The following ZNF18 variants were observed in gnomAD, a reference collection of about 807,000 sequenced individuals.
ZNF18 encodes the protein zinc finger protein 18, also known as heart development-specific gene 1 protein.
ZNF18 carries 42 observed loss-of-function variants against 58.1 expected under a neutral mutation model. The ratio of observed to expected loss-of-function variants is 0.72; its 90% confidence interval spans 0.56 to 0.93. ZNF18 has a LOEUF of 0.93. ZNF18 is among the 40% of genes least tolerant of loss of function. The pLI, the probability that ZNF18 is intolerant of heterozygous loss-of-function variation, is 0.00. For missense variants in ZNF18, 540 were observed against 644.2 expected (o/e 0.84, Z 1.75); for synonymous variants, 231 against 239.8 (o/e 0.96, Z 0.34).
intron 1 of ZNF18, among the ~76,000 whole-genome samples, chr17:11,995,015 C>G (rs1348988376): frequency 1.3e-5 from 2 of 152,172 alleles, no homozygotes; most frequent in African/African-American, 4.8e-5. Flanking sequence ...GCAGGAGTCA[C>G]AGAGGCAGAT....
At chr17:12,014,236 A>G in the ZNF18 span, among the ~76,000 whole-genome samples, 8 of 152,230 alleles carry the variant, frequency 5.3e-5, no homozygotes, top group Non-Finnish European at 1.2e-4. Flanking sequence ...TAGTTCCTCA[A>G]ATGGTTAAAC....
chr17:11,986,573 A>G (rs142573906), intron 4 of ZNF18, among the ~76,000 whole-genome samples: 1 of 152,202 alleles, frequency 6.6e-6, no homozygotes. Flanking sequence ...TTTAATTTAA[A>G]TTTTTTAATT....
Position 11,984,142 on chromosome 17 carries a change from A to T in ZNF18, c.722T>A (p.Leu241Gln). The change falls in exon 5 of 7, where the codon CTG becomes CAG. Residue 241 changes from leucine to glutamine, a missense_variant. Coordinates refer to ENST00000580306, the MANE Select transcript of ZNF18 (RefSeq NM_001303281.2). ...TQKEQYWDLM[L>Q]ETYGKMVSGA... ...TGAGACCATTTTCCCATAGGTCTCC[A>T]GCATGAGATCCCAGTATTGCTCCTT... The T allele has an allele frequency of 6.2e-7, 1 of 1,613,464 alleles. No homozygotes were observed. Among genetic ancestry groups the T allele is most frequent in the Non-Finnish European group, 8.5e-7 (1 of 1,179,754 alleles).
chr17:12,007,051 T>C, the ZNF18 span, among the ~76,000 whole-genome samples: 1 of 152,184 alleles, frequency 6.6e-6, no homozygotes, highest in East Asian at 1.9e-4. Flanking sequence ...TGTTTTGTTT[T>C]GTTTCTGTCT....
chr17:12,004,031 G>A, the ZNF18 span, among the ~76,000 whole-genome samples: 1 of 152,148 alleles, frequency 6.6e-6, no homozygotes, highest in African/African-American at 2.4e-5. Context: ...AGGAGTTTGA[G>A]ACCAGCCTGA....
chr17:12,013,770 T>C, the ZNF18 span, among the ~76,000 whole-genome samples: 2 of 152,362 alleles, frequency 1.3e-5, no homozygotes, highest in Non-Finnish European at 2.9e-5. Context: ...ATTTCCTATG[T>C]GTCTAACAAT....
chr17:11,999,873 C>T (rs76994022), upstream of ZNF18, among the ~76,000 whole-genome samples: 7 of 152,272 alleles, frequency 4.6e-5, no homozygotes, highest in East Asian at 3.9e-4. Context: ...TTAATTAAGA[C>T]GCAAGCCTTG....
At chr17:11,991,729 C>G (rs1392159850) in intron 2 of ZNF18, among the ~76,000 whole-genome samples, 1 of 152,126 alleles carries the variant, frequency 6.6e-6, no homozygotes, top group Non-Finnish European at 1.5e-5. Flanking sequence ...ATGCTAGGCT[C>G]CTAGATAGCT....
At chr17:12,010,112 A>G in the ZNF18 span, among the ~76,000 whole-genome samples, 4 of 152,316 alleles carry the variant, frequency 2.6e-5, no homozygotes, top group South Asian at 8.3e-4. Context: ...CAGTTTCACA[A>G]GACTTTATTC....
chr17:12,009,441 C>CTT, the ZNF18 span, among the ~76,000 whole-genome samples: 7 of 138,414 alleles, frequency 5.1e-5, no homozygotes, highest in Non-Finnish European at 7.9e-5. Context: ...CATTCCCGAG[C>CTT]TTTTTTTTTT....
chr17:12,007,394 T>A, the ZNF18 span, among the ~76,000 whole-genome samples: 1 of 152,198 alleles, frequency 6.6e-6, no homozygotes, highest in African/African-American at 2.4e-5. Flanking sequence ...CCCATGTCCC[T>A]TTAAACCTTC....
chr17:12,010,010 A>G, the ZNF18 span, among the ~76,000 whole-genome samples: 1 of 152,182 alleles, frequency 6.6e-6, no homozygotes, highest in Non-Finnish European at 1.5e-5. Context: ...TTGACTGCAC[A>G]TGTGGCTTGG....
At chr17:12,020,012 C>T in the ZNF18 span, among the ~76,000 whole-genome samples, 1 of 152,272 alleles carries the variant, frequency 6.6e-6, no homozygotes, top group South Asian at 2.1e-4. Context: ...TAGCTACTGT[C>T]TTCCTAAAAT....
intron 1 of ZNF18, among the ~76,000 whole-genome samples, chr17:11,995,196 G>C (rs923983815): frequency 2.0e-5 from 3 of 152,036 alleles, no homozygotes; most frequent in Non-Finnish European, 4.4e-5. Flanking sequence ...ATCATTTGAG[G>C]TCAGGAGTTC....
At chr17:11,995,528 C>T (rs1468731972) in intron 1 of ZNF18, 1 of 151,890 alleles carries the variant, frequency 6.6e-6, no homozygotes, top group East Asian at 1.9e-4. Flanking sequence ...ACTAAAAATA[C>T]AAAAATTAGC....
At chr17:12,015,831 C>A in the ZNF18 span, among the ~76,000 whole-genome samples, 12 of 152,056 alleles carry the variant, frequency 7.9e-5, no homozygotes, top group South Asian at 2.5e-3. Context: ...CTCTGTCACT[C>A]AGGCTGGAGT....
the ZNF18 span, among the ~76,000 whole-genome samples, chr17:12,009,742 C>G: frequency 6.6e-6 from 1 of 152,084 alleles, no homozygotes; most frequent in Non-Finnish European, 1.5e-5. Context: ...CGTGAGCCAC[C>G]GCGCCTGGCC....
chr17:12,014,117 A>G, the ZNF18 span, among the ~76,000 whole-genome samples: 1 of 152,384 alleles, frequency 6.6e-6, no homozygotes, highest in South Asian at 2.1e-4. Context: ...TAGGGTGGCT[A>G]TAATAGAAAA....
At chr17:12,008,277 T>C in the ZNF18 span, among the ~76,000 whole-genome samples, 2 of 152,166 alleles carry the variant, frequency 1.3e-5, no homozygotes, top group African/African-American at 4.8e-5. Flanking sequence ...GCAAGCACAG[T>C]TTTAAAAATT....
Sources: gnomAD v4.1 joint callset for allele counts (sites outside exome capture counted in the v4.1 genomes callset) on GRCh38, gnomAD v4.1.1 for gene constraint, MANE v1.5 for transcripts, NCBI Gene and HGNC (gene_info 2026-07-23, HGNC 2026-07-21) for gene names.